HAUS8: variants seen among roughly 807,000 people sequenced by gnomAD.
HAUS8 encodes HAUS augmin like complex subunit 8.
In HAUS8, 38 loss-of-function variants were observed where a neutral mutation model predicts 42.9. The observed-to-expected ratio is 0.89, with a 90% confidence interval of 0.68 to 1.16. HAUS8 has a LOEUF of 1.16. HAUS8 is among the 50% of genes most tolerant of loss of function. HAUS8 has a pLI of 0.00. For missense variants in HAUS8, 494 were observed against 511.6 expected, an observed-to-expected ratio of 0.97 and a Z score of 0.33; for synonymous variants, 199 against 205.8, an observed-to-expected ratio of 0.97 and a Z score of 0.28.
intron 2 of HAUS8, among the ~76,000 whole-genome samples, chr19:17,071,067 T>TCA (rs199631840): frequency 0.031 from 2,546 of 81,722 alleles, 30 homozygotes; most frequent in South Asian, 0.1. Context: ...AGACTTTGTC[T>TCA]CATAAAAAAA....
intron 4 of HAUS8, among the ~76,000 whole-genome samples, chr19:17,061,075 G>A (rs921147911): frequency 1.3e-5 from 2 of 151,978 alleles, no homozygotes; most frequent in Non-Finnish European, 2.9e-5. Context: ...AAAATCTATT[G>A]AGAGCACATG....
At chr19:17,054,349 G>A (rs545427601) in intron 9 of HAUS8, among the ~76,000 whole-genome samples, 229 of 152,150 alleles carry the variant, frequency 1.5e-3, no homozygotes, top group Admixed American at 4.1e-3. Context: ...GGAGGTGACC[G>A]CAGTCATAAA....
intron 8 of HAUS8, among the ~76,000 whole-genome samples, chr19:17,056,402 G>A (rs1429463430): frequency 6.6e-6 from 1 of 152,120 alleles, no homozygotes; most frequent in Admixed American, 6.5e-5. Flanking sequence ...CGGGAGTTTG[G>A]GGCATCAACC....
chr19:17,055,730 C>T (rs908317163), intron 9 of HAUS8, 131 bp downstream of exon 9: 1 of 989,616 alleles, frequency 1.0e-6, no homozygotes, highest in Non-Finnish European at 1.5e-6. Flanking sequence ...ACAGCCTGGC[C>T]AGCCCTCCCC....
Position 17,060,086 on chromosome 19 carries a change from C to G in HAUS8, c.236G>C (p.Ser79Thr), listed in dbSNP as rs777749816. The G allele has an allele frequency of 1.2e-6, 2 of 1,608,946 alleles. No individual in the cohort carries two copies. Among genetic ancestry groups the G allele is most frequent in the Admixed American group, 1.7e-5 (1 of 59,988 alleles). Residue 79 changes from serine to threonine, a missense_variant, in exon 5 of 11, where the codon AGC becomes ACC. Transcript: ENST00000253669. The part of the protein sequence containing the change: ...SSLLQKSKAD[S>T]SGVGKGDLQS... ...CAGGTCACCCTTTCCGACCCCACTG[C>G]TATCTGCTGTTAAGAAAAGAATCCC...
intron 2 of HAUS8, among the ~76,000 whole-genome samples, chr19:17,072,058 C>T (rs1469031834): frequency 6.6e-6 from 1 of 152,200 alleles, no homozygotes; most frequent in Admixed American, 6.5e-5. Flanking sequence ...GGATACAATT[C>T]TTGTCCAAGA....
In HAUS8 at chr19:17,069,045, T is replaced by G. The variant is rs773006727; in HGVS notation, c.133A>C (p.Lys45Gln). The change falls in exon 3 of 11, where the codon AAG becomes CAG. Residue 45 changes from lysine to glutamine, a missense_variant. Transcript: ENST00000253669. ...TGCGGCCTTACCTTTTGGGTTGTCTTCTTTTCATACTGCAGATACCGGGAC... is the reference window on the plus strand; with the variant it reads ...TGCGGCCTTACCTTTTGGGTTGTCTGCTTTTCATACTGCAGATACCGGGAC... ...IESRYLQYEK[K>Q]TTQKAPAGDG... The G allele has an allele frequency of 1.1e-5, 17 of 1,613,278 alleles. No homozygotes were observed. The East Asian group carries it at 3.3e-4, about 32-fold the overall frequency.
intron 4 of HAUS8, among the ~76,000 whole-genome samples, chr19:17,061,125 G>A (rs987555763): frequency 1.1e-5 from 1 of 92,506 alleles, no homozygotes; most frequent in East Asian, 2.9e-4. Flanking sequence ...TGAGGAGGTG[G>A]AAATTTTCTT....
intron 2 of HAUS8, among the ~76,000 whole-genome samples, chr19:17,070,801 G>A (rs746945016): frequency 6.6e-6 from 1 of 152,248 alleles, no homozygotes; most frequent in Non-Finnish European, 1.5e-5. Flanking sequence ...CAGGCGTAGT[G>A]GCTCACGCCT....
chr19:17,057,167 T>A (rs534167228), intron 8 of HAUS8, among the ~76,000 whole-genome samples: 1 of 152,062 alleles, frequency 6.6e-6, no homozygotes, highest in Non-Finnish European at 1.5e-5. Flanking sequence ...CTGGCCAACA[T>A]GGCAAAACCC....
At position 17,065,802 on chromosome 19, in the gene HAUS8, C is replaced by A. The variant is rs150279707; in HGVS notation, c.148-3023G>T. ...TCGCACCACTGCATTCCAGACTGGG[C>A]GACAGAGCGAGGCTCTATCTCAAAA... On this transcript the variant is annotated intron_variant, in intron 3 of 10. Transcript: ENST00000253669. Among the ~76,000 whole-genome samples the A allele has an allele frequency of 1.0e-4, 15 of 145,200 alleles. No individual in the cohort carries two copies. The East Asian group carries it at 1.4e-3, about 14-fold the overall frequency.
intron 3 of HAUS8, among the ~76,000 whole-genome samples, chr19:17,066,035 A>G (rs962749388): frequency 2.6e-5 from 4 of 151,500 alleles, no homozygotes; most frequent in Non-Finnish European, 2.9e-5. Flanking sequence ...GGCTCACTGC[A>G]GACTCAACCT....
chr19:17,059,407 A>G, intron 6 of HAUS8, 150 bp downstream of exon 6: 1 of 617,724 alleles, frequency 1.6e-6, no homozygotes, highest in South Asian at 2.0e-5. Context: ...AAATGATCTA[A>G]GAACATCTGT....
At position 17,066,034 on chromosome 19, in the gene HAUS8, C is replaced by A. The variant is rs1456249872; in HGVS notation, c.147+2997G>T. On this transcript the variant is annotated intron_variant, in intron 3 of 10. Coordinates refer to ENST00000253669, the MANE Select transcript of HAUS8 (RefSeq NM_033417.2). ...CAAGATGGAGTGCAGTGGCTCACTG[C>A]AGACTCAACCTCCTTGGCTCAAATG... Among the ~76,000 whole-genome samples, 3 of 151,790 alleles carry A rather than the reference C, an allele frequency of 2.0e-5. No individual in the cohort carries two copies. The East Asian group carries it at 5.8e-4, about 29-fold the overall frequency.
rs761495015 is a variant in HAUS8, at chr19:17,062,766, T to C, written c.161A>G (p.Asp54Gly). The change falls in exon 4 of 11, where the codon GAT becomes GGT. Residue 54 changes from aspartate (D) to glycine (G), a missense_variant. Transcript: ENST00000253669. ...KKTTQKAPAGDGSQTRGKMSE... is the reference protein window; with the variant it reads ...KKTTQKAPAGGGSQTRGKMSE... ...CATCTTCCCTCGGGTCTGTGACCCA[T>C]CTCCTGCAGGAGCCTGTTATGGGAA... is the stretch of plus-strand genomic sequence containing the variant. 2 of 1,613,508 alleles carry C rather than the reference T, an allele frequency of 1.2e-6. No homozygotes were observed. Among genetic ancestry groups the C allele is most frequent in the African/African-American group, 2.7e-5 (2 of 74,886 alleles).
chr19:17,075,468 C>G, upstream of HAUS8: 2 of 1,609,454 alleles, frequency 1.2e-6, no homozygotes, highest in Non-Finnish European at 1.7e-6. Flanking sequence ...CTTTTCAAAG[C>G]CGGACCCGCC....
At chr19:17,059,053 C>T (rs142165903) in intron 6 of HAUS8, among the ~76,000 whole-genome samples, 177 bp from the exon 7 acceptor site, 11 of 152,306 alleles carry the variant, frequency 7.2e-5, no homozygotes, top group Non-Finnish European at 1.0e-4. Context: ...TTTTCTGCGG[C>T]GCTGAGATGA....
At chr19:17,074,408 G>C (rs567788654) in intron 1 of HAUS8, 1 of 152,386 alleles carries the variant, frequency 6.6e-6, no homozygotes. Context: ...GCAAATGTTC[G>C]CCAGGTGCCA....
At chr19:17,071,400 C>T (rs2057423076) in intron 2 of HAUS8, among the ~76,000 whole-genome samples, 3 of 151,820 alleles carry the variant, frequency 2.0e-5, no homozygotes, top group African/African-American at 2.4e-5. Context: ...GGTGGGTGCC[C>T]GGCAGATGTG....
Sources: allele counts gnomAD v4.1 joint callset (sites outside exome capture counted in the v4.1 genomes callset), GRCh38; gene constraint gnomAD v4.1.1; transcripts MANE v1.5; gene names NCBI Gene and HGNC (gene_info 2026-07-23, HGNC 2026-07-21).